Variants in FAM161A observed in about 807,000 individuals in gnomAD.
FAM161A encodes FAM161 centrosomal protein A.
FAM161A carries 57 observed loss-of-function variants against 70.9 expected under a neutral mutation model. The observed-to-expected ratio is 0.80, with a 90% confidence interval of 0.65 to 1.00. The LOEUF is 1.00. Ranked by LOEUF, FAM161A falls within the 50% of genes least tolerant of loss-of-function variation. The pLI is 0.00. For missense variants in FAM161A, 880 were observed against 836.0 expected (o/e 1.05, Z -0.65); for synonymous variants, 299 against 295.7 (o/e 1.01, Z -0.12).
intron 5 of FAM161A, among the ~76,000 whole-genome samples, chr2:61,833,331 C>G (rs1041945325): frequency 5.3e-5 from 8 of 150,090 alleles, no homozygotes; most frequent in African/African-American, 1.5e-4. Flanking sequence ...GAGGCTGAGG[C>G]AGGAGAATGG....
the FAM161A span, among the ~76,000 whole-genome samples, chr2:61,815,501 G>A: frequency 8.4e-5 from 11 of 130,624 alleles, no homozygotes; most frequent in Non-Finnish European, 1.6e-5. Flanking sequence ...CTGTTTACTA[G>A]AAAAATCCTC....
Position 61,839,540 on chromosome 2 carries a change from C to T in FAM161A, c.1464G>A (p.Trp488Ter), listed in dbSNP as rs761440783. Residue 488 changes from tryptophan to a stop codon, truncating the protein, a stop_gained, in exon 3 of 7, where the codon TGG becomes TGA. Coordinates refer to ENST00000404929, the MANE Select transcript of FAM161A (RefSeq NM_001201543.2). LOFTEE classifies it high-confidence loss of function. ...ADEENLKETR[W>*]PYLSPRRKSP... ...ACTTACGCCTTGGAGACAAATAAGG[C>T]CAACGTGTTTCTTTTAAATTTTCTT... The T allele has an allele frequency of 2.5e-6, 4 of 1,614,058 alleles. No individual in the cohort carries two copies. The East Asian group carries it at 6.7e-5, about 27-fold the overall frequency.
the FAM161A span, among the ~76,000 whole-genome samples, chr2:61,800,527 A>G: frequency 1.3e-5 from 2 of 152,158 alleles, no homozygotes; most frequent in African/African-American, 2.4e-5. Context: ...CATCGTGTCC[A>G]TGAGTCAGGC....
At chr2:61,809,576 CTG>C in the FAM161A span, among the ~76,000 whole-genome samples, 4 of 152,174 alleles carry the variant, frequency 2.6e-5, no homozygotes, top group Non-Finnish European at 4.4e-5. Context: ...AAGGCAGACT[CTG>C]AGACAAGGAG....
chr2:61,843,017 G>C (rs959605742), intron 1 of FAM161A, among the ~76,000 whole-genome samples: 1 of 152,090 alleles, frequency 6.6e-6, no homozygotes, highest in Non-Finnish European at 1.5e-5. Flanking sequence ...TGGGTGACCG[G>C]GACTTTAGGA....
At chr2:61,842,428 C>T (rs1319695358) in intron 1 of FAM161A, 68 bp from the exon 2 acceptor site, 25 of 938,692 alleles carry the variant, frequency 2.7e-5, no homozygotes, top group Middle Eastern at 2.1e-4. Flanking sequence ...GACACTGATC[C>T]AAAATGCTGC....
At chr2:61,823,995 A>C (rs1672269125), downstream of FAM161A, among the ~76,000 whole-genome samples, 1 of 151,930 alleles carries the variant, frequency 6.6e-6, no homozygotes, top group Non-Finnish European at 1.5e-5. Flanking sequence ...GACCTGCTAA[A>C]GTAATCTTTC....
chr2:61,814,810 C>T, the FAM161A span, among the ~76,000 whole-genome samples: 1 of 152,222 alleles, frequency 6.6e-6, no homozygotes. Context: ...ACTTGGCCAA[C>T]TTCTGTATAA....
At chr2:61,818,646 G>A in the FAM161A span, among the ~76,000 whole-genome samples, 19 of 152,262 alleles carry the variant, frequency 1.2e-4, no homozygotes, top group African/African-American at 4.6e-4. Flanking sequence ...TGTGCATCAT[G>A]ATGATACCTC....
chr2:61,812,226 T>C, the FAM161A span, among the ~76,000 whole-genome samples: 919 of 152,300 alleles, frequency 6.0e-3, 4 homozygotes, highest in Non-Finnish European at 0.01. Flanking sequence ...ACTGCTTATC[T>C]CCAATCCTCC....
chr2:61,850,525 G>A lies in FAM161A; in HGVS notation c.183+3334C>T, dbSNP rs150742510. Reference sequence around the variant, plus strand: ...CCAGCACTTTTGGGAGGCCAAGGCAGGTGGATCACTTGAGCCCAGGAGTTC... The same window carrying A: ...CCAGCACTTTTGGGAGGCCAAGGCAAGTGGATCACTTGAGCCCAGGAGTTC... On this transcript the variant is annotated intron_variant, in intron 1 of 6. Coordinates refer to ENST00000404929, the MANE Select transcript of FAM161A (RefSeq NM_001201543.2). Among the ~76,000 whole-genome samples the A allele has an allele frequency of 2.0e-3, 298 of 152,314 alleles. 1 individual carries two copies. The highest frequency in any genetic ancestry group is 6.7e-3 in the African/African-American group (280 of 41,566).
intron 1 of FAM161A, among the ~76,000 whole-genome samples, chr2:61,843,882 G>A (rs1050827495): frequency 1.3e-5 from 2 of 151,822 alleles, no homozygotes; most frequent in African/African-American, 2.4e-5. Flanking sequence ...GGTGGCTCAC[G>A]CCTATAATCC....
chr2:61,822,164 C>G (rs1401545624), downstream of FAM161A, among the ~76,000 whole-genome samples: 1 of 151,960 alleles, frequency 6.6e-6, no homozygotes, highest in East Asian at 1.9e-4. Flanking sequence ...GGCACAGTGG[C>G]TCACACCTGT....
At chr2:61,828,951 G>A (rs1672475374) in intron 5 of FAM161A, among the ~76,000 whole-genome samples, 1 of 152,088 alleles carries the variant, frequency 6.6e-6, no homozygotes. Context: ...TGAACTGTTA[G>A]AGGGCCAAGA....
At chr2:61,818,028 C>T in the FAM161A span, among the ~76,000 whole-genome samples, 1 of 151,506 alleles carries the variant, frequency 6.6e-6, no homozygotes, top group South Asian at 2.1e-4. Flanking sequence ...GAAACAATGA[C>T]ACCTAGTAAC....
At chr2:61,852,069 G>A (rs1357439470) in intron 1 of FAM161A, among the ~76,000 whole-genome samples, 1 of 152,030 alleles carries the variant, frequency 6.6e-6, no homozygotes, top group African/African-American at 2.4e-5. Flanking sequence ...CCCCCAGCCT[G>A]TGCCCCCTGG....
chr2:61,822,778 C>T (rs1183836301), downstream of FAM161A, among the ~76,000 whole-genome samples: 3 of 151,734 alleles, frequency 2.0e-5, no homozygotes, highest in African/African-American at 4.8e-5. Context: ...TAAGTAGAGA[C>T]GGGGTTTCAC....
At chr2:61,838,222 A>C (rs747558054) in intron 4 of FAM161A, among the ~76,000 whole-genome samples, 23 of 152,258 alleles carry the variant, frequency 1.5e-4, no homozygotes, top group Non-Finnish European at 2.9e-4. Context: ...ATATCTGTTT[A>C]CTGCAATCAA....
rs1672307320 is a variant in FAM161A at position 61,825,269 on chromosome 2, G to C, written c.*1186C>G. 2.2e-6 allele frequency: 1 copy of C among 454,032 alleles called. No homozygotes were observed. Among genetic ancestry groups the C allele is most frequent in the African/African-American group, 2.0e-5 (1 of 50,004 alleles). 28.1% of individuals were successfully genotyped at this position (454,032 alleles called of 1,614,324 possible). A position where few individuals can be genotyped will look rare whatever the true frequency, so the allele number is the denominator to read the frequency against. On this transcript the variant is annotated 3_prime_UTR_variant, in exon 7 of 7. Transcript: ENST00000404929. ...AAATCAGATTAACACTGTACACAGA[G>C]AGATAAAGTGTGTTGGCAATAATAT...
Sources: allele counts gnomAD v4.1 joint callset (sites outside exome capture counted in the v4.1 genomes callset), GRCh38; gene constraint gnomAD v4.1.1; transcripts MANE v1.5; gene names NCBI Gene and HGNC (gene_info 2026-07-23, HGNC 2026-07-21).